Variants in SLC35F1 observed in about 807,000 individuals in gnomAD.
SLC35F1 encodes the protein chromosome 6 open reading frame 169.
SLC35F1 carries 14 observed loss-of-function variants against 48.7 expected under a neutral mutation model. The observed-to-expected ratio is 0.29, with a 90% CI of 0.19 to 0.45. The LOEUF is 0.45. Ranked by LOEUF, SLC35F1 falls within the 20% of genes least tolerant of loss-of-function variation. The pLI is 1.00. For synonymous variants in SLC35F1, 190 were observed against 202.2 expected, an observed-to-expected ratio of 0.94 and a Z score of 0.51; for missense variants, 404 against 500.0, an observed-to-expected ratio of 0.81 and a Z score of 1.83.
chr6:117,948,361 T>C (rs1468888990), intron 1 of SLC35F1, among the ~76,000 whole-genome samples: 1 of 152,232 alleles, frequency 6.6e-6, no homozygotes, highest in Non-Finnish European at 1.5e-5. Flanking sequence ...CCTACTCCTT[T>C]ACTTTACTCT....
At chr6:118,236,281 T>C (rs1775364482) in intron 3 of SLC35F1, among the ~76,000 whole-genome samples, 1 of 152,178 alleles carries the variant, frequency 6.6e-6, no homozygotes, top group Admixed American at 6.5e-5. Context: ...TACCTTCGCT[T>C]TTCACAATTT....
intron 1 of SLC35F1, among the ~76,000 whole-genome samples, chr6:118,057,792 T>C (rs1772483776): frequency 1.3e-5 from 2 of 152,206 alleles, no homozygotes; most frequent in South Asian, 2.1e-4. Context: ...GGAAAATCTT[T>C]GAGAAATGAA....
chr6:118,240,258 C>T (rs1442731724), intron 3 of SLC35F1, among the ~76,000 whole-genome samples: 1 of 152,118 alleles, frequency 6.6e-6, no homozygotes, highest in Non-Finnish European at 1.5e-5. Context: ...CTATGATTTT[C>T]AAAGGAGGCA....
chr6:118,007,612 A>G (rs1030155565), intron 1 of SLC35F1, among the ~76,000 whole-genome samples: 2 of 152,178 alleles, frequency 1.3e-5, no homozygotes, highest in African/African-American at 4.8e-5. Context: ...CATTCATAAA[A>G]TTTTATAATA....
intron 1 of SLC35F1, among the ~76,000 whole-genome samples, chr6:117,924,485 C>CATATATACATATATACATAT (rs1562239504): frequency 6.9e-6 from 1 of 144,098 alleles, no homozygotes; most frequent in Non-Finnish European, 1.5e-5. Context: ...TATGTATATA[C>CATATATACATATATACATAT]GTATATACAT....
intron 1 of SLC35F1, among the ~76,000 whole-genome samples, chr6:117,943,216 C>T (rs1776254699): frequency 6.6e-6 from 1 of 152,154 alleles, no homozygotes. Flanking sequence ...TAGTTCATTA[C>T]TGCTGATTGA....
rs59314221 is a variant in SLC35F1, at chr6:118,275,390, C to T, written c.638-69C>T. On this transcript the variant is annotated intron_variant, in intron 4 of 7. Coordinates refer to ENST00000360388, the MANE Select transcript of SLC35F1 (RefSeq NM_001029858.4). ...AATAGGCAAGGGAAGCTCAATTTGC[C>T]GATGCCAGATTCTTGTTAAGAAAGT... 1.9e-3 allele frequency: 2,805 copies of T among 1,508,216 alleles called. 46 individuals carry two copies. In the African/African-American group the frequency reaches 0.034, roughly 18 times the overall value. The allele number at this position is 1,508,216 out of a possible 1,614,324, so 93.4% of individuals were successfully genotyped here.
intron 1 of SLC35F1, among the ~76,000 whole-genome samples, chr6:117,938,837 C>G (rs1263035399): frequency 6.6e-6 from 1 of 152,014 alleles, no homozygotes; most frequent in Admixed American, 6.6e-5. Context: ...TTACTGAATG[C>G]TATCCCCCTC....
At chr6:118,067,075 A>C (rs2114286659) in intron 1 of SLC35F1, among the ~76,000 whole-genome samples, 1 of 152,328 alleles carries the variant, frequency 6.6e-6, no homozygotes, top group South Asian at 2.1e-4. Flanking sequence ...AAAGCAGTAA[A>C]GTTCAAACAT....
At chr6:118,122,645 T>A (rs886701024) in intron 1 of SLC35F1, among the ~76,000 whole-genome samples, 1 of 152,220 alleles carries the variant, frequency 6.6e-6, no homozygotes, top group Non-Finnish European at 1.5e-5. Flanking sequence ...TGGACTTATT[T>A]GAGTCCCTAG....
intron 1 of SLC35F1, among the ~76,000 whole-genome samples, chr6:118,120,731 C>A (rs1773541699): frequency 6.6e-6 from 1 of 152,184 alleles, no homozygotes; most frequent in East Asian, 1.9e-4. Context: ...TGAATTGAAA[C>A]CCCAGGAAGG....
chr6:118,131,158 T>C (rs1444983283), intron 1 of SLC35F1, among the ~76,000 whole-genome samples: 1 of 152,130 alleles, frequency 6.6e-6, no homozygotes, highest in African/African-American at 2.4e-5. Flanking sequence ...TTCAAGTCAC[T>C]CCATGATTAA....
At position 117,957,809 on chromosome 6, in the gene SLC35F1, C is replaced by G. The variant is rs1346580062; in HGVS notation, c.173+49910C>G. Among the ~76,000 whole-genome samples, 4 of 152,294 alleles carry G rather than the reference C, an allele frequency of 2.6e-5. No homozygotes were observed. The East Asian group carries it at 7.7e-4, about 29-fold the overall frequency. On this transcript the variant is annotated intron_variant, in intron 1 of 7. Coordinates refer to ENST00000360388, the MANE Select transcript of SLC35F1 (RefSeq NM_001029858.4). ...CAGTTGCATAAAAGTATAGCACATA[C>G]AATTATGTACACTACGTAATACTTG...
At chr6:117,986,414 A>G (rs1776848492) in intron 1 of SLC35F1, among the ~76,000 whole-genome samples, 1 of 152,226 alleles carries the variant, frequency 6.6e-6, no homozygotes, top group African/African-American at 2.4e-5. Flanking sequence ...GCCGCTTATT[A>G]ATCAGTTTTA....
At chr6:118,033,877 G>A (rs1248982056) in intron 1 of SLC35F1, among the ~76,000 whole-genome samples, 1 of 152,150 alleles carries the variant, frequency 6.6e-6, no homozygotes, top group Non-Finnish European at 1.5e-5. Context: ...TGAGATCTGT[G>A]CTGGCCACCT....
intron 3 of SLC35F1, among the ~76,000 whole-genome samples, chr6:118,244,570 A>G (rs1188041864): frequency 6.6e-6 from 1 of 152,266 alleles, no homozygotes; most frequent in African/African-American, 2.4e-5. Flanking sequence ...CTTTCCTTCA[A>G]CTACATTCTG....
intron 1 of SLC35F1, among the ~76,000 whole-genome samples, chr6:118,074,481 A>G (rs974079103): frequency 2.6e-5 from 4 of 152,126 alleles, no homozygotes; most frequent in Non-Finnish European, 5.9e-5. Flanking sequence ...AGCTCATATC[A>G]TAAGCTTGAC....
chr6:118,284,679 C>A (rs572004986), intron 6 of SLC35F1, among the ~76,000 whole-genome samples: 6 of 152,286 alleles, frequency 3.9e-5, no homozygotes, highest in African/African-American at 1.4e-4. Context: ...GCCACACAGT[C>A]AAGATTCTAA....
intron 1 of SLC35F1, among the ~76,000 whole-genome samples, chr6:118,088,175 C>T (rs771153114): frequency 3.9e-5 from 6 of 152,088 alleles, no homozygotes; most frequent in Non-Finnish European, 7.4e-5. Context: ...ATATATTTTT[C>T]GTGGTGATCT....
Sources: allele counts gnomAD v4.1 joint callset (sites outside exome capture counted in the v4.1 genomes callset), GRCh38; gene constraint gnomAD v4.1.1; transcripts MANE v1.5; gene names NCBI Gene and HGNC (gene_info 2026-07-23, HGNC 2026-07-21).